Variants in DGKQ observed in about 807,000 individuals in gnomAD.
DGKQ encodes diacylglycerol kinase theta.
A neutral mutation model predicts 104.2 loss-of-function variants in DGKQ; 97 were observed. The observed-to-expected ratio is 0.93, with a 90% CI of 0.79 to 1.10. The LOEUF (loss-of-function observed/expected upper bound fraction) is 1.10. DGKQ is among the 50% of genes least tolerant of loss of function. The pLI is 0.00. For missense variants in DGKQ, 1,465 were observed against 1,352.1 expected (o/e 1.08, Z -1.31); for synonymous variants, 736 against 595.2 (o/e 1.24, Z -3.44).
chr4:966,762 A>G lies in DGKQ; in HGVS notation c.1352T>C (p.Met451Thr). The G allele has an allele frequency of 6.2e-7, 1 of 1,609,484 alleles. No homozygotes were observed. Among genetic ancestry groups the G allele is most frequent in the Non-Finnish European group, 8.5e-7 (1 of 1,178,512 alleles). The part of the protein sequence containing the change: ...PESFQLVEVA[M>T]GCRHVQRTML... ...TGTCTACTCACCGTGCCTGCAGCCC[A>G]TCGCCACCTCCACCAGCTGGAAGCT... The change falls in exon 11 of 23, where the codon ATG becomes ACG. Residue 451 changes from methionine (M) to threonine (T), a missense_variant. Met to Thr is a moderately conservative substitution (Grantham distance 81). Transcript: ENST00000273814.
intron 1 of DGKQ, among the ~76,000 whole-genome samples, chr4:972,584 G>A (rs1180367684): frequency 4.0e-5 from 6 of 150,570 alleles, no homozygotes; most frequent in African/African-American, 1.5e-4. Flanking sequence ...CCTGTCCCTC[G>A]CTCCCTCCAG....
intron 16 of DGKQ, 60 bp downstream of exon 16, chr4:963,079 C>T: frequency 6.5e-7 from 1 of 1,528,336 alleles, no homozygotes; most frequent in Non-Finnish European, 8.8e-7. Flanking sequence ...GCTGTGGCAG[C>T]CTCCTGGGGC....
Position 967,311 on chromosome 4 carries a change from C to A in DGKQ, c.1038G>T (p.Glu346Asp). The A allele has an allele frequency of 6.5e-7, 1 of 1,540,560 alleles. No homozygotes were observed. ...GAGAGGAAGGGGGCAGCCGGCACAG[C>A]TCCAGGTGGCCAGGGTCCTCGGGGA... ...HHIPEDPGHL[E>D]LCRLPPSSQA... The change falls in exon 9 of 23, where the codon GAG becomes GAT. Residue 346 changes from glutamate (E) to aspartate (D), a missense_variant. Glu to Asp is a conservative substitution (Grantham distance 45). Coordinates refer to ENST00000273814, the MANE Select transcript of DGKQ (RefSeq NM_001347.4).
rs1021667842 is a variant in DGKQ at position 971,388 on chromosome 4, C to G, written c.272-316G>C. Among the ~76,000 whole-genome samples, 3 of 152,250 alleles carry G rather than the reference C, an allele frequency of 2.0e-5. No homozygotes were observed. Among genetic ancestry groups the G allele is most frequent in the Non-Finnish European group, 1.5e-5 (1 of 68,028 alleles). On this transcript the variant is annotated intron_variant, in intron 1 of 22. Coordinates refer to ENST00000273814, the MANE Select transcript of DGKQ (RefSeq NM_001347.4). This position sits in a 1 kb window ranked among gnomAD's most constrained non-coding sequence, Gnocchi z 4.0. Reference sequence around the variant, plus strand: ...CTCTGCAGTTGGGCCTCTCAAGGGGCAGCCCTGGGCTCACCAGGTTCGCCA... The same window carrying G: ...CTCTGCAGTTGGGCCTCTCAAGGGGGAGCCCTGGGCTCACCAGGTTCGCCA...
At position 961,994 on chromosome 4, in the gene DGKQ, T is replaced by G; in HGVS notation, c.2303A>C (p.Lys768Thr). Residue 768 changes from lysine to threonine, a missense_variant, in exon 19 of 23, where the codon AAG (lysine) becomes ACG (threonine). Coordinates refer to ENST00000273814, the MANE Select transcript of DGKQ (RefSeq NM_001347.4). Reference protein sequence around the residue: ...FHQAREEEPGKFTSRLHNKGV... With the variant: ...FHQAREEEPGTFTSRLHNKGV... Reference sequence around the variant, plus strand: ...GCGGCTCCGGTACCTGCTTGTGAACTTGCCAGGCTCCTCTTCCCGTGCCTG... The same window carrying G: ...GCGGCTCCGGTACCTGCTTGTGAACGTGCCAGGCTCCTCTTCCCGTGCCTG... The G allele has an allele frequency of 3.7e-6, 6 of 1,613,106 alleles. No homozygotes were observed. The highest frequency in any genetic ancestry group is 1.1e-5 in the South Asian group (1 of 91,082).
At position 960,504 on chromosome 4, in the gene DGKQ, CCAGGTCCGACCA is replaced by C; in HGVS notation, c.*104_*115del. The C allele has an allele frequency of 4.4e-6, 4 of 909,686 alleles. No homozygotes were observed. Among genetic ancestry groups the C allele is most frequent in the Non-Finnish European group, 7.0e-6 (4 of 575,214 alleles). 56.4% of individuals were successfully genotyped at this position (909,686 alleles called of 1,614,324 possible). A position where few individuals can be genotyped will look rare whatever the true frequency, so the allele number is the denominator to read the frequency against. Reference sequence around the variant, plus strand: ...GAAGATGCTGTGGTCAGGGCTGTAGCCAGGTCCGACCACAGGGCCGGCCACTGTGTGGACGTG... The same window carrying C: ...GAAGATGCTGTGGTCAGGGCTGTAGCCAGGGCCGGCCACTGTGTGGACGTG... On this transcript the variant is annotated 3_prime_UTR_variant, in exon 23 of 23. Coordinates refer to ENST00000273814, the MANE Select transcript of DGKQ (RefSeq NM_001347.4).
chr4:968,361 G>C lies in DGKQ; in HGVS notation c.584C>G (p.Ala195Gly). ...CGTCTTCCTGCAGACCTCGCAGCGC[G>C]CTCCCGAGGGCAGGTTCCCCTCCCG... is the stretch of plus-strand genomic sequence containing the variant. Reference protein sequence around the residue: ...HWREGNLPSGARCEVCRKTCG... With the variant: ...HWREGNLPSGGRCEVCRKTCG... The change falls in exon 5 of 23, where the codon GCG becomes GGG. Residue 195 changes from alanine (A) to glycine (G), a missense_variant. By Grantham distance (60) the Ala-to-Gly change is moderately conservative. Transcript: ENST00000273814. The C allele has an allele frequency of 2.6e-6, 4 of 1,514,762 alleles. No individual in the cohort carries two copies. Among genetic ancestry groups the C allele is most frequent in the Non-Finnish European group, 3.5e-6 (4 of 1,132,742 alleles). 93.8% of individuals were successfully genotyped at this position (1,514,762 alleles called of 1,614,324 possible).
intron 8 of DGKQ, 44 bp from the exon 9 acceptor site, chr4:967,405 GC>G: frequency 1.4e-6 from 2 of 1,409,910 alleles, no homozygotes; most frequent in South Asian, 1.3e-5. Flanking sequence ...GGGGGGTCAG[GC>G]GGGGTTCAGT....
intron 12 of DGKQ, 164 bp downstream of exon 12, chr4:966,302 C>T: frequency 2.3e-6 from 2 of 872,952 alleles, no homozygotes; most frequent in Non-Finnish European, 3.5e-6. Flanking sequence ...CGAGGCCTCC[C>T]TGCAGGGACC....
intron 8 of DGKQ, 25 bp from the exon 9 acceptor site, chr4:967,386 C>T: frequency 6.7e-7 from 1 of 1,499,882 alleles, no homozygotes; most frequent in Non-Finnish European, 8.9e-7. Context: ...GTTAGAGGGG[C>T]CAAGTTGTGG....
chr4:961,244 C>G, intron 21 of DGKQ, 43 bp from the exon 22 acceptor site: 1 of 1,469,084 alleles, frequency 6.8e-7, no homozygotes, highest in Non-Finnish European at 9.1e-7. Context: ...GGATCAGGGA[C>G]GCCCACCGCT....
chr4:965,845 G>A, intron 13 of DGKQ, 83 bp downstream of exon 13: 4 of 1,415,876 alleles, frequency 2.8e-6, no homozygotes, highest in Non-Finnish European at 3.8e-6. Context: ...AGAGGCAGGA[G>A]CCGGCTCAGC....
chr4:963,923 G>C (rs1404129105), intron 15 of DGKQ: 1 of 153,282 alleles, frequency 6.5e-6, no homozygotes, highest in African/African-American at 2.4e-5. Flanking sequence ...GGCCCCCACA[G>C]CGGGGAAGGC....
At chr4:962,210 A>G in intron 18 of DGKQ, 128 bp from the exon 19 acceptor site, 1 of 926,338 alleles carries the variant, frequency 1.1e-6, no homozygotes, top group Admixed American at 2.2e-5. Context: ...AGCACCCAGG[A>G]GAGGGCAGCA....
At position 965,205 on chromosome 4, in the gene DGKQ, G is replaced by C; in HGVS notation, c.1705C>G (p.Leu569Val). 6.2e-7 allele frequency: 1 copy of C among 1,612,584 alleles called. No homozygotes were observed. The highest frequency in any genetic ancestry group is 8.5e-7 in the Non-Finnish European group (1 of 1,179,866). ...LKDMAVRGRL[L>V]TALVLPDLLH... is the part of the protein sequence containing the mutation. Reference sequence around the variant, plus strand: ...AGGTCGGGGAGCACCAGGGCAGTGAGCAGCCGGCCCCGCACAGCCATGTCC... The same window carrying C: ...AGGTCGGGGAGCACCAGGGCAGTGACCAGCCGGCCCCGCACAGCCATGTCC... Residue 569 changes from leucine (L) to valine (V), a missense_variant, in exon 15 of 23, where the codon CTC (leucine) becomes GTC (valine). Physicochemically the swap from Leu to Val is conservative, Grantham distance 32 (BLOSUM62 1). Transcript: ENST00000273814.
rs373444197 is a variant in DGKQ at position 963,267 on chromosome 4, G to A, written c.1758C>T (p.Ser586=). ...GGTTCACGAACACAAGGAGGGGACA[G>A]CTGTCTGGGGGCAGCTTCGCGTGCT... ...DLLHAKLPPD[S]CPLLVFVNPK... is the part of the protein sequence containing the mutation. Residue 586 remains serine (S), a synonymous_variant, in exon 16 of 23, where the codon AGC becomes AGT. Coordinates refer to ENST00000273814, the MANE Select transcript of DGKQ (RefSeq NM_001347.4). The A allele has an allele frequency of 6.2e-7, 1 of 1,606,634 alleles. No homozygotes were observed. Among genetic ancestry groups the A allele is most frequent in the Non-Finnish European group, 8.5e-7 (1 of 1,174,978 alleles).
rs200558303 is a variant in DGKQ at position 962,920 on chromosome 4, C to G, written c.1887G>C (p.Gly629=). ...FDLTNGGPLP[G]LHLFSQVPCF... ...AGGGCACCTGGGAGAACAGGTGGAGCCTAGCGGGAGACAGGAAGTGTCCTC... is the reference window on the plus strand; with the variant it reads ...AGGGCACCTGGGAGAACAGGTGGAGGCTAGCGGGAGACAGGAAGTGTCCTC... The change falls in exon 17 of 23, where the codon GGG becomes GGC. Residue 629 remains glycine, a splice_region_variant and synonymous_variant. Transcript: ENST00000273814. 1 of 1,606,586 alleles carries G rather than the reference C, an allele frequency of 6.2e-7. No homozygotes were observed. Among genetic ancestry groups the G allele is most frequent in the Non-Finnish European group, 8.5e-7 (1 of 1,177,312 alleles).
Position 961,519 on chromosome 4 carries a change from C to A in DGKQ, c.2522G>T (p.Arg841Leu), listed in dbSNP as rs771344398. 7 of 1,609,118 alleles carry A rather than the reference C, an allele frequency of 4.4e-6. No individual in the cohort carries two copies. The highest frequency in any genetic ancestry group is 5.9e-6 in the Non-Finnish European group (7 of 1,178,694). Residue 841 changes from arginine (R) to leucine (L), a missense_variant, in exon 21 of 23, where the codon CGC (arginine) becomes CTC (leucine). Physicochemically the swap from Arg to Leu is moderately radical, Grantham distance 102. Coordinates refer to ENST00000273814, the MANE Select transcript of DGKQ (RefSeq NM_001347.4). Reference protein sequence around the residue: ...SDSDTRFEKPRMDDGLLEVVG... With the variant: ...SDSDTRFEKPLMDDGLLEVVG... ...AACCTCCAGCAGCCCGTCGTCCATG[C>A]GTGGCTTCTCAAACCTGGTGTCGCT...
At position 960,656 on chromosome 4, in the gene DGKQ, C is replaced by T. The variant is rs376247716; in HGVS notation, c.2793G>A (p.Ala931=). 3.2e-5 allele frequency: 51 copies of T among 1,612,102 alleles called. No homozygotes were observed. Among genetic ancestry groups the T allele is most frequent in the African/African-American group, 5.3e-5 (4 of 74,910 alleles). ...RRAGTTRDAR[A]DAAPAPESDP... is the part of the protein sequence containing the mutation. ...CGCTCTCAGGGGCAGGCGCAGCATCCGCCCGGGCATCCCTGGTGGTCCCGG... is the reference window on the plus strand; with the variant it reads ...CGCTCTCAGGGGCAGGCGCAGCATCTGCCCGGGCATCCCTGGTGGTCCCGG... Residue 931 remains alanine (A), a synonymous_variant, in exon 23 of 23, where the codon GCG becomes GCA. Transcript: ENST00000273814.
Sources: gnomAD v4.1 joint callset for allele counts (sites outside exome capture counted in the v4.1 genomes callset) on GRCh38, gnomAD v4.1.1 for gene constraint, Gnocchi (gnomAD v3.1) non-coding constraint, MANE v1.5 for transcripts, NCBI Gene and HGNC (gene_info 2026-07-23, HGNC 2026-07-21) for gene names.